Variants in LRP1B observed in about 807,000 individuals in gnomAD.
LRP1B encodes low-density lipoprotein receptor-related protein 1B.
In LRP1B, 217 loss-of-function variants were observed where a neutral mutation model predicts 556.6. The ratio of observed to expected loss-of-function variants is 0.39; its 90% CI spans 0.35 to 0.44. The LOEUF (loss-of-function observed/expected upper bound fraction) is 0.44, where lower values mean the gene tolerates loss of function less well. Among genes scored for constraint, LRP1B ranks in the 20% least tolerant of loss-of-function variants. The pLI is 1.00. For missense variants in LRP1B, 5,053 were observed against 5,620.8 expected (o/e 0.90, Z 3.23); for synonymous variants, 2,047 against 1,865.8 (o/e 1.10, Z -2.50).
chr2:141,696,710 C>T (rs1329763624), intron 2 of LRP1B, among the ~76,000 whole-genome samples: 1 of 151,878 alleles, frequency 6.6e-6, no homozygotes, highest in Non-Finnish European at 1.5e-5. Flanking sequence ...GGAAGAACCA[C>T]TATAGTGATT....
At chr2:141,595,850 T>C (rs978916106) in intron 2 of LRP1B, among the ~76,000 whole-genome samples, 7 of 152,060 alleles carry the variant, frequency 4.6e-5, no homozygotes, top group African/African-American at 1.7e-4. Flanking sequence ...TGCTCTATCA[T>C]ACTTGAAAAT....
At chr2:141,677,488 GTA>G (rs1258903778) in intron 2 of LRP1B, among the ~76,000 whole-genome samples, 8 of 151,892 alleles carry the variant, frequency 5.3e-5, no homozygotes, top group Non-Finnish European at 1.2e-4. Context: ...AGTTTTATAT[GTA>G]TATATATATT....
rs147322873 is a variant in LRP1B at position 140,485,365 on chromosome 2, A to G, written c.9403T>C (p.Leu3135=). Residue 3135 remains leucine (L), a synonymous_variant, in exon 59 of 91, where the codon TTG becomes CTG. Transcript: ENST00000389484. ...VSKRLKFPRD[L]SLDPQAGYLY... ...AACCCAGCTTGAGGATCTAAAGACA[A>G]GTCTCTGGGAAACTTCAGCCTTTTG... 12 of 1,610,976 alleles carry G rather than the reference A, an allele frequency of 7.4e-6. No homozygotes were observed. The highest frequency in any genetic ancestry group is 1.0e-5 in the Non-Finnish European group (12 of 1,179,028).
At chr2:140,278,421 T>G (rs1294815957) in intron 84 of LRP1B, among the ~76,000 whole-genome samples, 3 of 152,048 alleles carry the variant, frequency 2.0e-5, no homozygotes, top group Non-Finnish European at 4.4e-5. Flanking sequence ...TTAGAATGTT[T>G]TAGAAATTCT....
At chr2:141,607,172 A>G (rs1687945116) in intron 2 of LRP1B, among the ~76,000 whole-genome samples, 1 of 151,662 alleles carries the variant, frequency 6.6e-6, no homozygotes, top group South Asian at 2.1e-4. Flanking sequence ...AAAAAAAACA[A>G]TTAATAGAAA....
chr2:140,311,225 C>A (rs185480893), intron 83 of LRP1B, among the ~76,000 whole-genome samples: 1 of 151,816 alleles, frequency 6.6e-6, no homozygotes, highest in African/African-American at 2.4e-5. Context: ...ACATATGGCA[C>A]GTGTATGTTT....
At chr2:141,318,193 C>G (rs1017645852) in intron 3 of LRP1B, among the ~76,000 whole-genome samples, 3 of 152,124 alleles carry the variant, frequency 2.0e-5, no homozygotes. Flanking sequence ...GTGTTAGTCA[C>G]CATACCAGGT....
intron 2 of LRP1B, among the ~76,000 whole-genome samples, chr2:141,703,164 T>C (rs1280989355): frequency 6.6e-6 from 1 of 151,916 alleles, no homozygotes; most frequent in Non-Finnish European, 1.5e-5. Flanking sequence ...ATTCATGGTT[T>C]TAAATATTAG....
At chr2:141,894,594 G>A (rs1699383576) in intron 1 of LRP1B, among the ~76,000 whole-genome samples, 1 of 151,442 alleles carries the variant, frequency 6.6e-6, no homozygotes, top group Admixed American at 6.6e-5. Flanking sequence ...GTAACCATGA[G>A]GAACACAGAA....
At chr2:140,789,373 C>A (rs999340112) in intron 32 of LRP1B, among the ~76,000 whole-genome samples, 2 of 152,172 alleles carry the variant, frequency 1.3e-5, no homozygotes, top group African/African-American at 2.4e-5. Context: ...CCATGAACTC[C>A]TAAAGTTCTC....
chr2:141,827,849 T>C (rs1696988702), intron 1 of LRP1B, among the ~76,000 whole-genome samples: 1 of 152,086 alleles, frequency 6.6e-6, no homozygotes, highest in African/African-American at 2.4e-5. Flanking sequence ...ATACTTTATC[T>C]ACATATCTAT....
chr2:140,933,230 A>G (rs1695106436), intron 20 of LRP1B, among the ~76,000 whole-genome samples: 1 of 152,226 alleles, frequency 6.6e-6, no homozygotes, highest in Admixed American at 6.6e-5. Context: ...TTGAAGCTTC[A>G]TATAAATAAG....
intron 59 of LRP1B, among the ~76,000 whole-genome samples, chr2:140,479,311 A>G (rs1303898515): frequency 6.6e-6 from 1 of 152,156 alleles, no homozygotes; most frequent in African/African-American, 2.4e-5. Flanking sequence ...ACCTATGTAA[A>G]AATGTATTAT....
At chr2:141,522,261 T>C (rs1574042362) in intron 2 of LRP1B, among the ~76,000 whole-genome samples, 1 of 152,240 alleles carries the variant, frequency 6.6e-6, no homozygotes, top group South Asian at 2.1e-4. Flanking sequence ...TCTGACTCAT[T>C]TGTATCTAGA....
chr2:141,121,293 A>G (rs574474705), intron 7 of LRP1B, among the ~76,000 whole-genome samples: 1 of 152,210 alleles, frequency 6.6e-6, no homozygotes, highest in Non-Finnish European at 1.5e-5. Context: ...AACACAGTAG[A>G]CTATGTATGA....
At chr2:141,882,595 A>G (rs1384056615) in intron 1 of LRP1B, among the ~76,000 whole-genome samples, 1 of 152,242 alleles carries the variant, frequency 6.6e-6, no homozygotes, top group Non-Finnish European at 1.5e-5. Flanking sequence ...AAATCTCATT[A>G]GCTGCCAGAG....
chr2:141,876,925 A>G (rs979183098), intron 1 of LRP1B, among the ~76,000 whole-genome samples: 21 of 152,116 alleles, frequency 1.4e-4, no homozygotes, highest in African/African-American at 4.6e-4. Context: ...CATTGAATCA[A>G]TCTAAAGAAC....
At chr2:142,017,825 T>C (rs1703198774) in intron 1 of LRP1B, among the ~76,000 whole-genome samples, 2 of 152,162 alleles carry the variant, frequency 1.3e-5, no homozygotes, top group African/African-American at 2.4e-5. Context: ...AAGGGCACAG[T>C]GAGCCATGTT....
chr2:140,451,873 T>C (rs1184242270), intron 62 of LRP1B, among the ~76,000 whole-genome samples: 1 of 152,158 alleles, frequency 6.6e-6, no homozygotes, highest in East Asian at 1.9e-4. Context: ...CTAAAATATT[T>C]ATTAATATGT....
Sources: gnomAD v4.1 joint callset for allele counts (sites outside exome capture counted in the v4.1 genomes callset) on GRCh38, gnomAD v4.1.1 for gene constraint, MANE v1.5 for transcripts, NCBI Gene and HGNC (gene_info 2026-07-23, HGNC 2026-07-21) for gene names.